CASP5: variants seen among roughly 807,000 people sequenced by gnomAD.
CASP5 encodes the protein caspase 5, also known as caspase-5.
Under a neutral mutation model 45.2 loss-of-function variants are expected in CASP5, and 42 were observed. The ratio of observed to expected loss-of-function variants is 0.93; its 90% CI spans 0.73 to 1.20. CASP5 has a LOEUF of 1.20. Among genes scored for constraint, CASP5 ranks in the 50% most tolerant of loss-of-function variants. The probability of loss-of-function intolerance (pLI) is 0.00; values close to 1 mark genes in which losing one functional copy is unlikely to be tolerated. For synonymous variants in CASP5, 209 were observed against 186.2 expected (o/e 1.12, Z -1.00); for missense variants, 512 against 532.2 (o/e 0.96, Z 0.37).
At chr11:104,995,571 C>A (rs539567959) in intron 9 of CASP5, among the ~76,000 whole-genome samples, 169 bp downstream of exon 9, 122 of 152,190 alleles carry the variant, frequency 8.0e-4, no homozygotes, top group Non-Finnish European at 1.5e-3. Flanking sequence ...TTGAGGGAAA[C>A]TAAATGCATA....
chr11:105,014,949 GC>G (rs35553505), intron 1 of CASP5, among the ~76,000 whole-genome samples: 1 of 152,208 alleles, frequency 6.6e-6, no homozygotes, highest in African/African-American at 2.4e-5. Flanking sequence ...GGAGGAATTT[GC>G]CCCTTGGACA....
At chr11:105,021,107 T>C (rs987613164) in intron 1 of CASP5, among the ~76,000 whole-genome samples, 2 of 152,006 alleles carry the variant, frequency 1.3e-5, no homozygotes, top group Non-Finnish European at 2.9e-5. Context: ...GCTAGCCATA[T>C]GTAGAAAGCT....
At chr11:104,999,992 A>G (rs1056765404) in intron 6 of CASP5, among the ~76,000 whole-genome samples, 1 of 152,210 alleles carries the variant, frequency 6.6e-6, no homozygotes, top group Non-Finnish European at 1.5e-5. Flanking sequence ...AAGTTTGAAT[A>G]TTTCTGTTTA....
chr11:105,016,679 C>T (rs1862620853), intron 1 of CASP5, among the ~76,000 whole-genome samples: 1 of 152,220 alleles, frequency 6.6e-6, no homozygotes, highest in South Asian at 2.1e-4. Flanking sequence ...TCGCTGATTG[C>T]TAGCACAGCA....
intron 7 of CASP5, 140 bp downstream of exon 7, chr11:104,998,745 A>G (rs1861584778): frequency 3.8e-6 from 3 of 786,864 alleles, no homozygotes; most frequent in Admixed American, 2.6e-5. Context: ...CACAGCACAC[A>G]TAAGATCATG....
At chr11:105,009,758 T>TATATATACAC (rs1555079440) in intron 1 of CASP5, among the ~76,000 whole-genome samples, 5 of 90,250 alleles carry the variant, frequency 5.5e-5, no homozygotes, top group East Asian at 6.2e-4. Context: ...TATATATATA[T>TATATATACAC]ACACACACAC....
intron 3 of CASP5, among the ~76,000 whole-genome samples, chr11:105,006,793 A>G (rs532978963): frequency 6.6e-6 from 1 of 152,314 alleles, no homozygotes; most frequent in South Asian, 2.1e-4. Flanking sequence ...TGCATAGTTC[A>G]CATGTGACAG....
chr11:105,003,302 A>G lies in CASP5; in HGVS notation c.515T>C (p.Leu172Pro), dbSNP rs1861836470. The change falls in exon 4 of 10, where the codon CTG becomes CCG. Residue 172 changes from leucine (L) to proline (P), a missense_variant. Transcript: ENST00000260315. ...ILKLCPREEF[L>P]RLCKKNHDEI... is the part of the protein sequence containing the mutation. ...ATCATGATTTTTTTTACACAGTCTC[A>G]GGAATTCTTCACGAGGACAAAGTTT... 5.6e-6 allele frequency: 9 copies of G among 1,605,980 alleles called. No homozygotes were observed. The highest frequency in any genetic ancestry group is 7.7e-6 in the Non-Finnish European group (9 of 1,175,144).
intron 1 of CASP5, 134 bp downstream of exon 1, chr11:105,022,996 A>G (rs113164001): frequency 4.2e-5 from 34 of 805,034 alleles, no homozygotes; most frequent in African/African-American, 2.2e-4. Flanking sequence ...CATACCACCA[A>G]TAAGAGAAAG....
chr11:105,009,580 A>C (rs1862168643), intron 1 of CASP5, among the ~76,000 whole-genome samples: 1 of 150,936 alleles, frequency 6.6e-6, no homozygotes, highest in Non-Finnish European at 1.5e-5. Context: ...TAGATACCTA[A>C]TTCTTCAGCG....
At chr11:105,007,781 T>G (rs917972652) in intron 2 of CASP5, among the ~76,000 whole-genome samples, 1 of 152,140 alleles carries the variant, frequency 6.6e-6, no homozygotes, top group South Asian at 2.1e-4. Flanking sequence ...GAAAGCACTA[T>G]ATCTTTGAAT....
rs778963224 is a variant in CASP5, at chr11:105,008,773, T to C, written c.181+34A>G. The stretch of plus-strand genomic sequence containing the variant: ...TTATAATTGAACAGATTCTAAAAAA[T>C]TGGAAATATCCATTGTAAAATATCC... On this transcript the variant is annotated intron_variant, in intron 2 of 9. Transcript: ENST00000260315. 7 of 1,481,124 alleles carry C rather than the reference T, an allele frequency of 4.7e-6. No homozygotes were observed. In the East Asian group the frequency reaches 1.1e-4, roughly 24 times the overall value. 91.7% of individuals were successfully genotyped at this position (1,481,124 alleles called of 1,614,324 possible). A position where few individuals can be genotyped will look rare whatever the true frequency, so the allele number is the denominator to read the frequency against.
At chr11:105,016,967 G>T (rs1454302536) in intron 1 of CASP5, among the ~76,000 whole-genome samples, 1 of 150,580 alleles carries the variant, frequency 6.6e-6, no homozygotes, top group Non-Finnish European at 1.5e-5. Flanking sequence ...CTGAGAACGG[G>T]CAGACTGCCT....
rs759361634 is a variant in CASP5 at position 104,997,449 on chromosome 11, A to G, written c.1140T>C (p.Ile380=). 1 of 1,613,284 alleles carries G rather than the reference A, an allele frequency of 6.2e-7. No individual in the cohort carries two copies. The change falls in exon 8 of 10, where the codon ATT becomes ATC. Residue 380 remains isoleucine (I), a synonymous_variant. Transcript: ENST00000260315. ...TCTGGAAGCATGTGATGAGTTCCGT[A>G]ATGAAGATGGAGCCCCTTGTGCGGT... ...WRDRTRGSIF[I]TELITCFQKY...
At position 105,007,064 on chromosome 11, in the gene CASP5, G is replaced by A. The variant is rs547147263; in HGVS notation, c.433+19C>T. The A allele has an allele frequency of 2.8e-5, 45 of 1,598,714 alleles. No individual in the cohort carries two copies. Among genetic ancestry groups the A allele is most frequent in the Admixed American group, 1.9e-4 (11 of 58,078 alleles). ...TTCTGGAAAATTTAACATATTTATC[G>A]TGTTAGATGCAACCTTACGTTTTAC... On this transcript the variant is annotated intron_variant, in intron 3 of 9. Coordinates refer to ENST00000260315, the MANE Select transcript of CASP5 (RefSeq NM_004347.5).
At chr11:105,003,033 C>CA (rs1458068908) in intron 4 of CASP5, among the ~76,000 whole-genome samples, 2 of 19,066 alleles carry the variant, frequency 1.0e-4, no homozygotes, top group African/African-American at 2.3e-4. Context: ...TATATCTCTA[C>CA]AAAAATTAAA....
chr11:104,999,170 C>T, intron 6 of CASP5, 142 bp from the exon 7 acceptor site: 1 of 667,620 alleles, frequency 1.5e-6, no homozygotes, highest in Non-Finnish European at 2.4e-6. Flanking sequence ...AGCCCACATG[C>T]ATTAAGTATT....
chr11:105,011,942 T>TAAAATTCATATGGAATTATTTA (rs1862371646), intron 1 of CASP5, among the ~76,000 whole-genome samples: 2 of 151,784 alleles, frequency 1.3e-5, no homozygotes, highest in Non-Finnish European at 3.0e-5. Flanking sequence ...AAATCAACCT[T>TAAAATTCATATGGAATTATTTA]AAAATTCATA....
At chr11:105,013,345 C>T (rs1862442423) in intron 1 of CASP5, among the ~76,000 whole-genome samples, 1 of 151,822 alleles carries the variant, frequency 6.6e-6, no homozygotes, top group South Asian at 2.1e-4. Flanking sequence ...AAATCTATTG[C>T]ACCACATAGT....
Sources: gnomAD v4.1 joint callset for allele counts (sites outside exome capture counted in the v4.1 genomes callset) on GRCh38, gnomAD v4.1.1 for gene constraint, MANE v1.5 for transcripts, NCBI Gene and HGNC (gene_info 2026-07-23, HGNC 2026-07-21) for gene names.